The following UBASH3B variants were observed in gnomAD, a reference collection of about 807,000 sequenced individuals.
UBASH3B encodes ubiquitin associated and SH3 domain containing B, also known as ubiquitin-associated and SH3 domain-containing protein B.
Under a neutral mutation model 83.4 loss-of-function variants are expected in UBASH3B, and 37 were observed. That is an observed-to-expected ratio of 0.44 (90% CI 0.34 to 0.58). The LOEUF (loss-of-function observed/expected upper bound fraction) is 0.58, where lower values mean the gene tolerates loss of function less well. Ranked by LOEUF, UBASH3B falls within the 20% of genes least tolerant of loss-of-function variation. UBASH3B has a pLI of 0.01. For missense variants in UBASH3B, 657 were observed against 827.2 expected, an observed-to-expected ratio of 0.79 and a Z score of 2.52; for synonymous variants, 304 against 318.3, an observed-to-expected ratio of 0.96 and a Z score of 0.48.
intron 1 of UBASH3B, among the ~76,000 whole-genome samples, chr11:122,705,702 C>T (rs539633244): frequency 1.3e-5 from 2 of 152,244 alleles, no homozygotes; most frequent in Admixed American, 1.3e-4. Flanking sequence ...CCTTAAATCT[C>T]ACCAACTCAT....
chr11:122,701,887 C>T (rs1435582870), intron 1 of UBASH3B, among the ~76,000 whole-genome samples: 5 of 152,118 alleles, frequency 3.3e-5, no homozygotes, highest in Admixed American at 6.6e-5. Context: ...CTGTGTCTTG[C>T]TCTGTCACCC....
At chr11:122,794,890 C>A in intron 7 of UBASH3B, 56 bp downstream of exon 7, 2 of 1,605,130 alleles carry the variant, frequency 1.2e-6, no homozygotes, top group Non-Finnish European at 8.5e-7. Context: ...CACTGAGAAC[C>A]TATTTATTAA....
At chr11:122,763,422 T>A (rs1235311241) in intron 1 of UBASH3B, among the ~76,000 whole-genome samples, 1 of 152,216 alleles carries the variant, frequency 6.6e-6, no homozygotes, top group East Asian at 1.9e-4. Context: ...GAGGGCTGCC[T>A]AACAGCCTCT....
rs533603237 is a variant in UBASH3B at position 122,773,905 on chromosome 11, A to G, written c.162-2314A>G. 8 of 866,648 alleles carry G rather than the reference A, an allele frequency of 9.2e-6. No individual in the cohort carries two copies. The South Asian group carries it at 2.1e-4, about 23-fold the overall frequency. The allele number at this position is 866,648 out of a possible 1,614,324, so 53.7% of individuals were successfully genotyped here. ...AAAAAGAAATTGAATTCCTTATATA[A>G]ATAGCACATTGTCTGGTGCCACAAA... On this transcript the variant is annotated intron_variant, in intron 1 of 13. Coordinates refer to ENST00000284273, the MANE Select transcript of UBASH3B (RefSeq NM_032873.5).
At chr11:122,709,892 C>T (rs1010853480) in intron 1 of UBASH3B, among the ~76,000 whole-genome samples, 1 of 152,110 alleles carries the variant, frequency 6.6e-6, no homozygotes, top group Admixed American at 6.5e-5. Context: ...GGCTGTGGGT[C>T]GCGCCTGTAA....
At position 122,809,736 on chromosome 11, in the gene UBASH3B, A is replaced by C. The variant is rs1296259818; in HGVS notation, c.1813-13A>C. Reference sequence around the variant, plus strand: ...TCTCCTAATATCCCCTTTCTTTACGACTCTTACTTCAGATCCCATATCTGG... The same window carrying C: ...TCTCCTAATATCCCCTTTCTTTACGCCTCTTACTTCAGATCCCATATCTGG... On this transcript the variant is annotated splice_polypyrimidine_tract_variant and intron_variant, in intron 13 of 13. Transcript: ENST00000284273. 2 of 1,613,628 alleles carry C rather than the reference A, an allele frequency of 1.2e-6. No individual in the cohort carries two copies. The highest frequency in any genetic ancestry group is 2.2e-5 in the South Asian group (2 of 91,032).
At chr11:122,687,481 T>C (rs1443288604) in intron 1 of UBASH3B, among the ~76,000 whole-genome samples, 1 of 152,094 alleles carries the variant, frequency 6.6e-6, no homozygotes, top group African/African-American at 2.4e-5. Context: ...AGGGGAAAAC[T>C]TTAGAACTTG....
intron 1 of UBASH3B, among the ~76,000 whole-genome samples, chr11:122,691,092 T>G (rs531301308): frequency 6.6e-6 from 1 of 152,222 alleles, no homozygotes; most frequent in African/African-American, 2.4e-5. Context: ...AAATGAAAGG[T>G]CATGGTTAAC....
intron 1 of UBASH3B, among the ~76,000 whole-genome samples, chr11:122,701,074 T>C (rs1267647418): frequency 6.6e-6 from 1 of 152,246 alleles, no homozygotes; most frequent in Non-Finnish European, 1.5e-5. Flanking sequence ...CCCAGCATTC[T>C]GACCCTGTCA....
chr11:122,811,321 T>G lies in UBASH3B; in HGVS notation c.*1435T>G, dbSNP rs1175218038. 1.3e-5 allele frequency: 2 copies of G among 152,566 alleles called. No homozygotes were observed. The highest frequency in any genetic ancestry group is 2.9e-5 in the Non-Finnish European group (2 of 68,036). The allele number at this position is 152,566 out of a possible 1,614,324, so 9.5% of individuals were successfully genotyped here. A position where few individuals can be genotyped will look rare whatever the true frequency, so the allele number is the denominator to read the frequency against. ...ACATTAGTTAGTGTAAAATGGATCT[T>G]TACATGTTGCAGTAACATTGACTAT... On this transcript the variant is annotated 3_prime_UTR_variant, in exon 14 of 14. Transcript: ENST00000284273.
intron 1 of UBASH3B, among the ~76,000 whole-genome samples, chr11:122,701,608 A>G (rs1864040902): frequency 2.0e-5 from 3 of 152,144 alleles, no homozygotes; most frequent in Non-Finnish European, 4.4e-5. Context: ...CCTCGCTTGC[A>G]TTGGCATACG....
intron 1 of UBASH3B, among the ~76,000 whole-genome samples, chr11:122,770,422 G>A (rs1428438434): frequency 6.6e-6 from 1 of 151,496 alleles, no homozygotes; most frequent in Non-Finnish European, 1.5e-5. Context: ...CTGCTGGTCT[G>A]GGATAACCTA....
intron 1 of UBASH3B, among the ~76,000 whole-genome samples, chr11:122,672,568 T>C (rs1863611932): frequency 6.6e-6 from 1 of 152,138 alleles, no homozygotes; most frequent in African/African-American, 2.4e-5. Flanking sequence ...TCAGGTGATC[T>C]GCCTGTTTCG....
Position 122,734,960 on chromosome 11 carries a change from G to A in UBASH3B, c.162-41259G>A, listed in dbSNP as rs147103807. On this transcript the variant is annotated intron_variant, in intron 1 of 13. Transcript: ENST00000284273. The stretch of plus-strand genomic sequence containing the variant: ...GTTTTTTCTAACTTCCTGTTTCCTA[G>A]CAAACTTTATATAAACTCATTTTAT... Among the ~76,000 whole-genome samples the A allele has an allele frequency of 3.0e-3, 457 of 152,030 alleles. 4 individuals carry two copies. The highest frequency in any genetic ancestry group is 1.3e-3 in the Non-Finnish European group (87 of 67,992).
At chr11:122,769,403 G>A (rs1245594561) in intron 1 of UBASH3B, among the ~76,000 whole-genome samples, 4 of 152,160 alleles carry the variant, frequency 2.6e-5, no homozygotes, top group Non-Finnish European at 5.9e-5. Context: ...GAGACTTGGT[G>A]GGGTCAAGCA....
chr11:122,707,645 A>T (rs1033564659), intron 1 of UBASH3B, among the ~76,000 whole-genome samples: 1 of 152,112 alleles, frequency 6.6e-6, no homozygotes, highest in African/African-American at 2.4e-5. Flanking sequence ...CTATTGTCTC[A>T]TTTGTCTCTT....
intron 1 of UBASH3B, among the ~76,000 whole-genome samples, chr11:122,694,354 C>G (rs1484040045): frequency 6.6e-6 from 1 of 151,948 alleles, no homozygotes; most frequent in Non-Finnish European, 1.5e-5. Flanking sequence ...GTAAAAATAA[C>G]ATTTTCTTCA....
intron 1 of UBASH3B, among the ~76,000 whole-genome samples, chr11:122,695,094 G>T (rs1169506338): frequency 6.7e-6 from 1 of 149,248 alleles, no homozygotes; most frequent in Non-Finnish European, 1.5e-5. Context: ...CTCCCTAGTA[G>T]CTGGGATTAC....
At chr11:122,799,487 C>CA (rs34917484) in intron 10 of UBASH3B, among the ~76,000 whole-genome samples, 17,604 of 107,744 alleles carry the variant, frequency 0.16, 1,280 homozygotes, top group Middle Eastern at 0.27. Flanking sequence ...AACTCCATCT[C>CA]AAAAAAAAAA....
Sources: allele counts gnomAD v4.1 joint callset (sites outside exome capture counted in the v4.1 genomes callset), GRCh38; gene constraint gnomAD v4.1.1; transcripts MANE v1.5; gene names NCBI Gene and HGNC (gene_info 2026-07-23, HGNC 2026-07-21).